The following MTFMT variants were observed in gnomAD, a reference collection of about 807,000 sequenced individuals.
The protein encoded by MTFMT is mitochondrial methionyl-tRNA formyltransferase, also known as methionyl-tRNA formyltransferase, mitochondrial.
A neutral mutation model predicts 51.8 loss-of-function variants in MTFMT; 47 were observed. The ratio of observed to expected loss-of-function variants is 0.91; its 90% CI spans 0.72 to 1.16. MTFMT has a LOEUF of 1.16. MTFMT is among the 50% of genes most tolerant of loss of function. The pLI is 0.00. For synonymous variants in MTFMT, 196 were observed against 176.7 expected, an observed-to-expected ratio of 1.11 and a Z score of -0.87; for missense variants, 512 against 482.3, an observed-to-expected ratio of 1.06 and a Z score of -0.58.
intron 1 of MTFMT, among the ~76,000 whole-genome samples, chr15:65,027,900 C>T (rs1410614003): frequency 2.6e-5 from 4 of 152,188 alleles, no homozygotes; most frequent in East Asian, 1.9e-4. Flanking sequence ...TCAAACACTA[C>T]TTTTTAAAAA....
chr15:65,026,583 C>G, intron 2 of MTFMT: 1 of 435,642 alleles, frequency 2.3e-6, no homozygotes, highest in East Asian at 3.9e-5. Context: ...CTATTGTGTT[C>G]CAGACTGTGT....
At chr15:65,009,657 A>T (rs1246149019) in intron 6 of MTFMT, among the ~76,000 whole-genome samples, 1 of 146,258 alleles carries the variant, frequency 6.8e-6, no homozygotes, top group African/African-American at 2.6e-5. Context: ...TTATTTTTTT[A>T]ATTTTTTTTT....
intron 5 of MTFMT, among the ~76,000 whole-genome samples, chr15:65,019,671 C>T (rs918947032): frequency 1.3e-5 from 2 of 151,888 alleles, no homozygotes; most frequent in African/African-American, 4.8e-5. Context: ...ACTAAAGAGA[C>T]ATAACAACTA....
At chr15:65,027,079 C>T in intron 1 of MTFMT, 39 bp from the exon 2 acceptor site, 1 of 1,499,398 alleles carries the variant, frequency 6.7e-7, no homozygotes, top group African/African-American at 1.4e-5. Context: ...AGTGTTAAGG[C>T]AATGACTCAA....
At chr15:65,020,998 A>C (rs568938455) in intron 4 of MTFMT, among the ~76,000 whole-genome samples, 11 of 152,250 alleles carry the variant, frequency 7.2e-5, no homozygotes, top group African/African-American at 2.7e-4. Context: ...TATGGAAAAC[A>C]TAAGTTTAGT....
chr15:65,020,895 A>G (rs11071824), intron 4 of MTFMT, among the ~76,000 whole-genome samples: 51,610 of 152,128 alleles, frequency 0.34, 10,162 homozygotes, highest in South Asian at 0.5. Context: ...AGTCACTATT[A>G]TAAGATCATT....
intron 1 of MTFMT, among the ~76,000 whole-genome samples, chr15:65,028,492 G>T (rs2086448007): frequency 6.6e-6 from 1 of 152,136 alleles, no homozygotes; most frequent in African/African-American, 2.4e-5. Context: ...GCCCATGAAG[G>T]GTGTGCAAAG....
intron 3 of MTFMT, among the ~76,000 whole-genome samples, chr15:65,022,055 C>T (rs899586359): frequency 6.6e-6 from 1 of 152,096 alleles, no homozygotes; most frequent in Non-Finnish European, 1.5e-5. Context: ...ATATGAAAAG[C>T]ATAAGGCAAA....
intron 6 of MTFMT, among the ~76,000 whole-genome samples, chr15:65,013,287 C>CTTTT (rs71447831): frequency 1.4e-5 from 2 of 142,770 alleles, no homozygotes; most frequent in African/African-American, 2.7e-5. Context: ...CTTTCTTCTT[C>CTTTT]TTTTTTTTTT....
intron 3 of MTFMT, among the ~76,000 whole-genome samples, chr15:65,022,815 T>C (rs936242347): frequency 6.6e-6 from 1 of 151,572 alleles, no homozygotes; most frequent in Non-Finnish European, 1.5e-5. Flanking sequence ...GAAGAGATCC[T>C]CTCACCTCAG....
At chr15:65,024,963 A>C (rs2086408911) in intron 2 of MTFMT, among the ~76,000 whole-genome samples, 1 of 152,240 alleles carries the variant, frequency 6.6e-6, no homozygotes, top group Non-Finnish European at 1.5e-5. Context: ...CATTAAGTAC[A>C]AAGATCTTGA....
chr15:65,005,248 C>T (rs2086212422), intron 7 of MTFMT, among the ~76,000 whole-genome samples: 1 of 152,178 alleles, frequency 6.6e-6, no homozygotes, highest in Non-Finnish European at 1.5e-5. Flanking sequence ...GGGGGAAATA[C>T]ATAGGATGTT....
intron 2 of MTFMT, among the ~76,000 whole-genome samples, chr15:65,025,216 G>A (rs973228225): frequency 4.3e-5 from 6 of 140,424 alleles, no homozygotes; most frequent in Non-Finnish European, 7.6e-5. Flanking sequence ...GCCACATAGC[G>A]AGATCCCTGT....
In MTFMT at chr15:65,004,877, G is replaced by C; in HGVS notation, c.952C>G (p.Gln318Glu). The change falls in exon 8 of 9, where the codon CAA becomes GAA. Residue 318 changes from glutamine to glutamate, a missense_variant. Transcript: ENST00000220058. ...PGSVIYHKQS[Q>E]ILLVYCKDGW... Reference sequence around the variant, plus strand: ...ACCTTGCAATAAACCAATAGTATTTGTGACTGTTTGTGGTATATTACTGAT... The same window carrying C: ...ACCTTGCAATAAACCAATAGTATTTCTGACTGTTTGTGGTATATTACTGAT... 6.2e-7 allele frequency: 1 copy of C among 1,607,434 alleles called. No homozygotes were observed. Among genetic ancestry groups the C allele is most frequent in the South Asian group, 1.1e-5 (1 of 89,914 alleles).
intron 2 of MTFMT, among the ~76,000 whole-genome samples, chr15:65,024,087 G>A (rs2086399547): frequency 6.6e-6 from 1 of 152,016 alleles, no homozygotes; most frequent in African/African-American, 2.4e-5. Context: ...AGCACTTTGA[G>A]AGGCCGAGGC....
chr15:65,003,369 A>C, intron 8 of MTFMT, 113 bp from the exon 9 acceptor site: 1 of 770,674 alleles, frequency 1.3e-6, no homozygotes, highest in Non-Finnish European at 2.1e-6. Context: ...ACAAATCTTT[A>C]CTAAATGCCT....
intron 4 of MTFMT, among the ~76,000 whole-genome samples, chr15:65,020,720 C>T (rs2086367089): frequency 6.6e-6 from 1 of 152,216 alleles, no homozygotes; most frequent in Non-Finnish European, 1.5e-5. Flanking sequence ...CACCTACCAG[C>T]TGTCTCATTG....
At chr15:65,016,941 T>C (rs2086328808) in intron 5 of MTFMT, among the ~76,000 whole-genome samples, 2 of 151,894 alleles carry the variant, frequency 1.3e-5, no homozygotes, top group Non-Finnish European at 2.9e-5. Context: ...CTACCATGCC[T>C]GGCTAATTTT....
Position 65,024,195 on chromosome 15 carries a change from G to A in MTFMT, c.420-401C>T, listed in dbSNP as rs1215129246. Among the ~76,000 whole-genome samples the A allele has an allele frequency of 2.0e-5, 3 of 152,136 alleles. No individual in the cohort carries two copies. In the South Asian group the frequency reaches 6.2e-4, roughly 32 times the overall value. On this transcript the variant is annotated intron_variant, in intron 2 of 8. Transcript: ENST00000220058. ...GACAAAATTAGCCAGGTGTGGTGGC[G>A]CATGCCTGTAATCCCAGCTACTCGG...
Sources: allele counts gnomAD v4.1 joint callset (sites outside exome capture counted in the v4.1 genomes callset), GRCh38; gene constraint gnomAD v4.1.1; transcripts MANE v1.5; gene names NCBI Gene and HGNC (gene_info 2026-07-23, HGNC 2026-07-21).